ZFR2: variants seen among roughly 807,000 people sequenced by gnomAD.
The protein encoded by ZFR2 is zinc finger RNA-binding protein 2.
A neutral mutation model predicts 105.7 loss-of-function variants in ZFR2; 104 were observed. The observed-to-expected ratio is 0.98, with a 90% CI of 0.84 to 1.16. The LOEUF (loss-of-function observed/expected upper bound fraction) is 1.16, where lower values mean the gene tolerates loss of function less well. Among genes scored for constraint, ZFR2 ranks in the 50% most tolerant of loss-of-function variants. ZFR2 has a pLI of 0.00. For synonymous variants in ZFR2, 634 were observed against 597.7 expected, an observed-to-expected ratio of 1.06 and a Z score of -0.89; for missense variants, 1,425 against 1,355.5, an observed-to-expected ratio of 1.05 and a Z score of -0.80.
intron 17 of ZFR2, among the ~76,000 whole-genome samples, chr19:3,807,762 ATG>A (rs1008611709): frequency 5.8e-5 from 8 of 138,310 alleles, no homozygotes; most frequent in East Asian, 2.2e-4. Flanking sequence ...ATGCATGTCC[ATG>A]TGTGTGCCCA....
chr19:3,855,888 C>A (rs2038293085), intron 1 of ZFR2, among the ~76,000 whole-genome samples: 1 of 152,122 alleles, frequency 6.6e-6, no homozygotes, highest in African/African-American at 2.4e-5. Flanking sequence ...GAACAGGGGG[C>A]AGAGGACACC....
chr19:3,842,116 G>C (rs932274927), intron 1 of ZFR2, among the ~76,000 whole-genome samples: 4 of 151,812 alleles, frequency 2.6e-5, no homozygotes, highest in Admixed American at 1.3e-4. Context: ...GGGCTCAAGA[G>C]ATCCTTCCAC....
chr19:3,827,557 C>G lies in ZFR2; in HGVS notation c.949G>C (p.Ala317Pro), dbSNP rs963712508. The G allele has an allele frequency of 6.4e-7, 1 of 1,564,418 alleles. No individual in the cohort carries two copies. The highest frequency in any genetic ancestry group is 1.4e-5 in the African/African-American group (1 of 73,556). ...GCGCACAGGTCGCAATGCAGCTGCG[C>G]CTGCACCCCGCGCGGGCTCCCGTTG... Reference protein sequence around the residue: ...QPNGSPRGVQAQLHCDLCAVS... With the variant: ...QPNGSPRGVQPQLHCDLCAVS... Residue 317 changes from alanine (A) to proline (P), a missense_variant, in exon 6 of 19, where the codon GCG becomes CCG. Ala to Pro is a conservative substitution (Grantham distance 27, BLOSUM62 -1). Coordinates refer to ENST00000262961, the MANE Select transcript of ZFR2 (RefSeq NM_015174.2).
Position 3,850,197 on chromosome 19 carries a change from C to G in ZFR2, c.54-15214G>C, listed in dbSNP as rs530972478. ...AACTGCTCTGAAGACCCAGGAGGCT[C>G]CCCCAGAGGCTGGAAAAGCCCCGGG... On this transcript the variant is annotated intron_variant, in intron 1 of 18. Transcript: ENST00000262961. Among the ~76,000 whole-genome samples, 3 of 152,126 alleles carry G rather than the reference C, an allele frequency of 2.0e-5. No individual in the cohort carries two copies. The South Asian group carries it at 6.2e-4, about 32-fold the overall frequency.
chr19:3,831,318 G>A lies in ZFR2; in HGVS notation c.837C>T (p.Ser279=), dbSNP rs2038012099. Reference sequence around the variant, plus strand: ...GGCGACTGACCTGGGGGCCAGCGCAGCTGATCTTGCAGATGTCGCAGTAGT... The same window carrying A: ...GGCGACTGACCTGGGGGCCAGCGCAACTGATCTTGCAGATGTCGCAGTAGT... ...QLHYCDICKI[S]CAGPQTYREH... is the part of the protein sequence containing the mutation. Residue 279 remains serine (S), a synonymous_variant, in exon 5 of 19, where the codon AGC becomes AGT. Coordinates refer to ENST00000262961, the MANE Select transcript of ZFR2 (RefSeq NM_015174.2). 8 of 1,544,874 alleles carry A rather than the reference G, an allele frequency of 5.2e-6. No homozygotes were observed. Among genetic ancestry groups the A allele is most frequent in the Non-Finnish European group, 6.1e-6 (7 of 1,145,422 alleles).
In ZFR2 at chr19:3,823,364, C is replaced by G. The variant is rs748990669; in HGVS notation, c.1253G>C (p.Trp418Ser). 3 of 1,613,502 alleles carry G rather than the reference C, an allele frequency of 1.9e-6. No homozygotes were observed. The highest frequency in any genetic ancestry group is 4.5e-5 in the East Asian group (2 of 44,890). The change falls in exon 8 of 19, where the codon TGG (tryptophan) becomes TCG (serine). Residue 418 changes from tryptophan to serine, a missense_variant. Coordinates refer to ENST00000262961, the MANE Select transcript of ZFR2 (RefSeq NM_015174.2). The surrounding 1 kb of genome is among the most constrained non-coding windows in gnomAD (Gnocchi z 5.4). ...EPQAAGCRPQ[W>S]GKPAQPKLEG... ...TAATTTAGGTTGGGCTGGTTTCCCC[C>G]ACTGGGGTCTGCAGCCTGCTGCCTG...
At chr19:3,832,420 C>G (rs1409219524) in intron 3 of ZFR2, among the ~76,000 whole-genome samples, 2 of 151,412 alleles carry the variant, frequency 1.3e-5, no homozygotes, top group African/African-American at 2.4e-5. Context: ...CTTCCAGGTT[C>G]AAGTGATTCT....
At chr19:3,839,513 T>TG (rs2038112764) in intron 1 of ZFR2, among the ~76,000 whole-genome samples, 1 of 111,122 alleles carries the variant, frequency 9.0e-6, no homozygotes, top group Non-Finnish European at 1.6e-5. Flanking sequence ...CACTCCAGCC[T>TG]GGGTGACAGA....
intron 1 of ZFR2, among the ~76,000 whole-genome samples, chr19:3,848,899 CAGG>C (rs1168856645): frequency 6.6e-6 from 1 of 151,930 alleles, no homozygotes; most frequent in African/African-American, 2.4e-5. Flanking sequence ...GAGGCTGAGG[CAGG>C]AGAATGGCAT....
chr19:3,815,072 G>T (rs554900426), intron 13 of ZFR2, among the ~76,000 whole-genome samples: 58 of 152,152 alleles, frequency 3.8e-4, no homozygotes, highest in African/African-American at 1.4e-3. Context: ...CGACTCTGGG[G>T]ACTGATTTTT....
rs1386245360 is a variant in ZFR2, at chr19:3,831,332, T to C, written c.823A>G (p.Ile275Val). 1.3e-6 allele frequency: 2 copies of C among 1,554,726 alleles called. No homozygotes were observed. Among genetic ancestry groups the C allele is most frequent in the Non-Finnish European group, 1.7e-6 (2 of 1,151,270 alleles). ...GGGCCAGCGCAGCTGATCTTGCAGATGTCGCAGTAGTGAAGCTGGAGCTGC... is the reference window on the plus strand; with the variant it reads ...GGGCCAGCGCAGCTGATCTTGCAGACGTCGCAGTAGTGAAGCTGGAGCTGC... ...PRQLQLHYCD[I>V]CKISCAGPQT... The change falls in exon 5 of 19, where the codon ATC becomes GTC. Residue 275 changes from isoleucine to valine, a missense_variant. Physicochemically the swap from Ile to Val is conservative, Grantham distance 29. Coordinates refer to ENST00000262961, the MANE Select transcript of ZFR2 (RefSeq NM_015174.2).
chr19:3,846,692 AAAG>A lies in ZFR2; in HGVS notation c.54-11712_54-11710del, dbSNP rs543890018. Among the ~76,000 whole-genome samples, 11 of 152,360 alleles carry A rather than the reference AAAG, an allele frequency of 7.2e-5. No homozygotes were observed. In the South Asian group the frequency reaches 1.2e-3, roughly 17 times the overall value. On this transcript the variant is annotated intron_variant, in intron 1 of 18. Coordinates refer to ENST00000262961, the MANE Select transcript of ZFR2 (RefSeq NM_015174.2). ...ACTACATAAGCGGAATGTGCTTCTA[AAAG>A]AAGAATAATTGTTTACTTGTTTGAA...
Position 3,831,861 on chromosome 19 carries a change from C to A in ZFR2, c.397G>T (p.Gly133Trp). 6.3e-7 allele frequency: 1 copy of A among 1,586,356 alleles called. No individual in the cohort carries two copies. Among genetic ancestry groups the A allele is most frequent in the Non-Finnish European group, 8.5e-7 (1 of 1,169,746 alleles). ...TGACTGCCATGGGGGCTGGGCTGCC[C>A]GCAGGCTTCTTGGGTCCCTAGGGGA... The part of the protein sequence containing the change: ...SGQPGTQEAC[G>W]QPSPHGSHSH... The change falls in exon 4 of 19, where the codon GGG (glycine) becomes TGG (tryptophan). Residue 133 changes from glycine to tryptophan, a missense_variant. Gly to Trp is a radical substitution (Grantham distance 184). Transcript: ENST00000262961.
intron 5 of ZFR2, among the ~76,000 whole-genome samples, chr19:3,829,616 G>A (rs188760978): frequency 1.4e-4 from 22 of 152,240 alleles, no homozygotes; most frequent in Admixed American, 1.2e-3. Context: ...GGGCTCAAAC[G>A]ATCCTCCCAC....
chr19:3,830,538 A>G (rs2038000726), intron 5 of ZFR2, among the ~76,000 whole-genome samples: 1 of 152,100 alleles, frequency 6.6e-6, no homozygotes, highest in Admixed American at 6.5e-5. Flanking sequence ...AGTCTGAGAC[A>G]GGGAAAGGGT....
chr19:3,805,886 T>C lies in ZFR2; in HGVS notation c.*63A>G, dbSNP rs893877969. The C allele has an allele frequency of 7.7e-6, 11 of 1,425,052 alleles. No individual in the cohort carries two copies. Among genetic ancestry groups the C allele is most frequent in the Admixed American group, 5.6e-5 (2 of 35,650 alleles). 88.3% of individuals were successfully genotyped at this position (1,425,052 alleles called of 1,614,324 possible). A position where few individuals can be genotyped will look rare whatever the true frequency, so the allele number is the denominator to read the frequency against. On this transcript the variant is annotated 3_prime_UTR_variant, in exon 19 of 19. Transcript: ENST00000262961. Reference sequence around the variant, plus strand: ...ACGTCGGGGATGAAGCAGCCATTGGTCGGCGCGCACACGTCCAGGAGTGCA... The same window carrying C: ...ACGTCGGGGATGAAGCAGCCATTGGCCGGCGCGCACACGTCCAGGAGTGCA...
chr19:3,818,482 CA>C (rs754144020), intron 12 of ZFR2, among the ~76,000 whole-genome samples: 1 of 151,924 alleles, frequency 6.6e-6, no homozygotes, highest in East Asian at 1.9e-4. Flanking sequence ...ACAAAACAAA[CA>C]AAAAAACAAC....
At chr19:3,860,205 T>C (rs945716414) in intron 1 of ZFR2, among the ~76,000 whole-genome samples, 1 of 151,080 alleles carries the variant, frequency 6.6e-6, no homozygotes, top group African/African-American at 2.4e-5. Context: ...TAATTTTTTT[T>C]TTTTTTTTTT....
At chr19:3,828,004 A>G (rs941502194) in intron 5 of ZFR2, among the ~76,000 whole-genome samples, 2 of 150,632 alleles carry the variant, frequency 1.3e-5, no homozygotes, top group Non-Finnish European at 3.0e-5. Context: ...TATTTTTAGT[A>G]GAGACGGGGT....
Sources: allele counts gnomAD v4.1 joint callset (sites outside exome capture counted in the v4.1 genomes callset), GRCh38; gene constraint gnomAD v4.1.1; non-coding constraint Gnocchi (gnomAD v3.1); transcripts MANE v1.5; gene names NCBI Gene and HGNC (gene_info 2026-07-23, HGNC 2026-07-21).